The following PTPRO variants were observed in gnomAD, a reference collection of about 807,000 sequenced individuals.
PTPRO encodes the protein protein tyrosine phosphatase receptor type O.
A neutral mutation model predicts 145.2 loss-of-function variants in PTPRO; 62 were observed. The observed-to-expected ratio is 0.43, with a 90% confidence interval of 0.35 to 0.53. The LOEUF (loss-of-function observed/expected upper bound fraction) is 0.53. Ranked by LOEUF, PTPRO falls within the 20% of genes least tolerant of loss-of-function variation. The probability of loss-of-function intolerance (pLI) is 0.01; values close to 1 mark genes in which losing one functional copy is unlikely to be tolerated. For missense variants in PTPRO, 1,345 were observed against 1,482.7 expected, an observed-to-expected ratio of 0.91 and a Z score of 1.53; for synonymous variants, 565 against 514.7, an observed-to-expected ratio of 1.10 and a Z score of -1.32.
intron 1 of PTPRO, among the ~76,000 whole-genome samples, chr12:15,342,896 A>G (rs1867051828): frequency 2.0e-5 from 3 of 152,188 alleles, no homozygotes; most frequent in Admixed American, 6.5e-5. Context: ...AGTGTCACCA[A>G]TTATTCAGGT....
chr12:15,407,049 T>A (rs1165337168), intron 1 of PTPRO, among the ~76,000 whole-genome samples: 1 of 152,182 alleles, frequency 6.6e-6, no homozygotes, highest in African/African-American at 2.4e-5. Context: ...TTCTTTGCAA[T>A]ATTTAATTCA....
At chr12:15,534,551 A>G (rs1943028823) in intron 12 of PTPRO, among the ~76,000 whole-genome samples, 1 of 152,144 alleles carries the variant, frequency 6.6e-6, no homozygotes, top group African/African-American at 2.4e-5. Flanking sequence ...GCTCTACAAC[A>G]GGGAAATGTG....
chr12:15,468,337 C>T (rs912996640), intron 1 of PTPRO, among the ~76,000 whole-genome samples: 2 of 152,238 alleles, frequency 1.3e-5, no homozygotes, highest in African/African-American at 4.8e-5. Context: ...TAAGTGTCTT[C>T]CCATCGCCTT....
chr12:15,443,825 A>G (rs1229779074), intron 1 of PTPRO, among the ~76,000 whole-genome samples: 1 of 152,078 alleles, frequency 6.6e-6, no homozygotes, highest in Non-Finnish European at 1.5e-5. Flanking sequence ...TGACTAAAAC[A>G]TCAGTAAACA....
At chr12:15,490,713 C>T (rs1469975117) in intron 2 of PTPRO, among the ~76,000 whole-genome samples, 1 of 152,002 alleles carries the variant, frequency 6.6e-6, no homozygotes, top group African/African-American at 2.4e-5. Flanking sequence ...CTTAACAAAG[C>T]ATGCAGTATA....
intron 19 of PTPRO, among the ~76,000 whole-genome samples, chr12:15,577,717 A>G (rs1944217095): frequency 6.6e-6 from 1 of 152,252 alleles, no homozygotes. Flanking sequence ...TCCCACTTAT[A>G]CACAGTTATG....
intron 1 of PTPRO, among the ~76,000 whole-genome samples, chr12:15,323,473 T>G (rs1300099444): frequency 6.6e-6 from 1 of 152,238 alleles, no homozygotes; most frequent in African/African-American, 2.4e-5. Flanking sequence ...TCGTATCTTC[T>G]TTGGAATGTG....
chr12:15,444,872 A>G (rs1940862435), intron 1 of PTPRO, among the ~76,000 whole-genome samples: 1 of 152,160 alleles, frequency 6.6e-6, no homozygotes, highest in Admixed American at 6.5e-5. Flanking sequence ...ACAAACTATA[A>G]TAGATGACTT....
At chr12:15,330,257 A>T (rs893513630) in intron 1 of PTPRO, among the ~76,000 whole-genome samples, 3 of 152,224 alleles carry the variant, frequency 2.0e-5, no homozygotes, top group Non-Finnish European at 4.4e-5. Context: ...CACTGGCATT[A>T]GGGTGACAGA....
intron 1 of PTPRO, among the ~76,000 whole-genome samples, chr12:15,377,294 A>G (rs1263974795): frequency 6.6e-6 from 1 of 152,110 alleles, no homozygotes; most frequent in East Asian, 1.9e-4. Flanking sequence ...AAACAAAGAC[A>G]TAAAAACTGT....
rs1326574658 is a variant in PTPRO at position 15,501,809 on chromosome 12, C to T, written c.851C>T (p.Pro284Leu). 14 of 1,613,956 alleles carry T rather than the reference C, an allele frequency of 8.7e-6. No individual in the cohort carries two copies. The highest frequency in any genetic ancestry group is 1.2e-5 in the Non-Finnish European group (14 of 1,180,024). The stretch of plus-strand genomic sequence containing the variant: ...TCGGGCAACATTTCTTCCGGTTGGC[C>T]TGATTTTAATAGCAGTGACTATGAA... The part of the protein sequence containing the change: ...IPSGNISSGW[P>L]DFNSSDYETT... Residue 284 changes from proline (P) to leucine (L), a missense_variant, in exon 5 of 27, where the codon CCT (proline) becomes CTT (leucine). By Grantham distance (98) the Pro-to-Leu change is moderately conservative. Around this residue, in one of 3 missense-constraint regions of PTPRO, gnomAD observed 1,130 missense variants for 1,214.7 expected, o/e 0.93. Transcript: ENST00000281171.
chr12:15,364,595 C>A (rs1259577134), intron 1 of PTPRO, among the ~76,000 whole-genome samples: 1 of 152,086 alleles, frequency 6.6e-6, no homozygotes, highest in African/African-American at 2.4e-5. Flanking sequence ...TTCCACACAC[C>A]AGCCCAGCAA....
At chr12:15,439,420 T>C (rs1315291124) in intron 1 of PTPRO, 2 of 170,844 alleles carry the variant, frequency 1.2e-5, no homozygotes, top group Non-Finnish European at 2.5e-5. Flanking sequence ...GCCTCACTTA[T>C]CAATATTAAC....
At chr12:15,580,004 G>C (rs758328287) in intron 20 of PTPRO, 35 bp from the exon 21 acceptor site, 16 of 1,565,524 alleles carry the variant, frequency 1.0e-5, no homozygotes, top group African/African-American at 1.4e-5. Flanking sequence ...CTTCCATCTT[G>C]AATTTTAATA....
At chr12:15,388,970 CTGAT>C (rs1939109631) in intron 1 of PTPRO, among the ~76,000 whole-genome samples, 1 of 151,896 alleles carries the variant, frequency 6.6e-6, no homozygotes, top group Admixed American at 6.6e-5. Flanking sequence ...CTCTCACTGA[CTGAT>C]CAAGGAAAAA....
At chr12:15,507,437 A>T (rs1942344384) in intron 6 of PTPRO, among the ~76,000 whole-genome samples, 1 of 104,414 alleles carries the variant, frequency 9.6e-6, no homozygotes, top group Non-Finnish European at 2.2e-5. Flanking sequence ...AAATAAATAA[A>T]TAAATAAATA....
At chr12:15,506,171 C>T (rs990612705) in intron 6 of PTPRO, among the ~76,000 whole-genome samples, 1 of 152,184 alleles carries the variant, frequency 6.6e-6, no homozygotes, top group Admixed American at 6.6e-5. Flanking sequence ...CTCCAACCTC[C>T]ACCCTCTGTG....
At chr12:15,485,389 T>C (rs975494299) in intron 2 of PTPRO, among the ~76,000 whole-genome samples, 1 of 152,134 alleles carries the variant, frequency 6.6e-6, no homozygotes, top group Non-Finnish European at 1.5e-5. Context: ...TAGAAAAAGA[T>C]GAATTGCAAG....
In PTPRO at chr12:15,565,573, T is replaced by G. The variant is rs767790674; in HGVS notation, c.2712-20T>G. ...ATTCTTCTGCCCAGATAAATTTGTC[T>G]TTTCTTTTTTAATTATCAGGAGTAA... On this transcript the variant is annotated intron_variant, in intron 17 of 26. Transcript: ENST00000281171. The G allele has an allele frequency of 1.1e-5, 16 of 1,435,966 alleles. No homozygotes were observed. In the South Asian group the frequency reaches 1.8e-4, roughly 17 times the overall value. The allele number at this position is 1,435,966 out of a possible 1,614,324, so 89.0% of individuals were successfully genotyped here.
Sources: allele counts gnomAD v4.1 joint callset (sites outside exome capture counted in the v4.1 genomes callset), GRCh38; gene constraint gnomAD v4.1.1; regional missense constraint gnomAD v4.1.1; transcripts MANE v1.5; gene names NCBI Gene and HGNC (gene_info 2026-07-23, HGNC 2026-07-21).